Variants in FOCAD observed in about 807,000 individuals in gnomAD.
FOCAD encodes the protein focadhesin.
A neutral mutation model predicts 225.6 loss-of-function variants in FOCAD; 198 were observed. That is an observed-to-expected ratio of 0.88 (90% CI 0.78 to 0.99). FOCAD has a LOEUF of 0.99. Ranked by LOEUF, FOCAD falls within the 50% of genes least tolerant of loss-of-function variation. The probability of loss-of-function intolerance (pLI) is 0.00; values close to 1 mark genes in which losing one functional copy is unlikely to be tolerated. For missense variants in FOCAD, 2,713 were observed against 2,123.6 expected (o/e 1.28, Z -5.46); for synonymous variants, 897 against 755.0 (o/e 1.19, Z -3.08).
chr9:20,906,020 A>G (rs1832941526), intron 21 of FOCAD, among the ~76,000 whole-genome samples: 1 of 151,172 alleles, frequency 6.6e-6, no homozygotes. Context: ...ATTCCCATGG[A>G]TTCTTCCTAT....
intron 21 of FOCAD, among the ~76,000 whole-genome samples, chr9:20,901,899 TG>T (rs1156874770): frequency 1.3e-5 from 2 of 151,812 alleles, no homozygotes; most frequent in Non-Finnish European, 2.9e-5. Context: ...ATTTTAGACT[TG>T]CTTTTGTAAA....
At chr9:20,773,263 A>G (rs1242271656) in intron 8 of FOCAD, among the ~76,000 whole-genome samples, 1 of 152,206 alleles carries the variant, frequency 6.6e-6, no homozygotes, top group Non-Finnish European at 1.5e-5. Context: ...TGCTATGGCA[A>G]TTAGTTGAAA....
At chr9:20,861,364 A>C (rs553903659) in intron 15 of FOCAD, among the ~76,000 whole-genome samples, 61 of 152,282 alleles carry the variant, frequency 4.0e-4, no homozygotes, top group Non-Finnish European at 5.9e-4. Context: ...TTTTATTTCA[A>C]ATGCTGATGA....
At chr9:20,970,979 C>T (rs1462984819) in intron 35 of FOCAD, among the ~76,000 whole-genome samples, 3 of 152,144 alleles carry the variant, frequency 2.0e-5, no homozygotes, top group Non-Finnish European at 4.4e-5. Flanking sequence ...AACAGGGTAA[C>T]TTGGAGTATT....
intron 11 of FOCAD, among the ~76,000 whole-genome samples, chr9:20,800,299 C>G (rs1821651026): frequency 6.6e-6 from 1 of 152,094 alleles, no homozygotes; most frequent in African/African-American, 2.4e-5. Flanking sequence ...TTCATTTCAA[C>G]TTTGGTGAAT....
In FOCAD at chr9:20,885,120, T is replaced by C; in HGVS notation, c.2515T>C (p.Phe839Leu). The C allele has an allele frequency of 1.4e-6, 2 of 1,464,014 alleles. No individual in the cohort carries two copies. The highest frequency in any genetic ancestry group is 1.8e-6 in the Non-Finnish European group (2 of 1,104,462). 90.7% of individuals were successfully genotyped at this position (1,464,014 alleles called of 1,614,324 possible). ...AATTTTTTTTAAAGGTGGTATGTTA[T>C]TTTGCTATGATGTTTCCATGTATCA... is the stretch of plus-strand genomic sequence containing the variant. ...LKPGLAGGML[F>L]CYDVSMYQSK... is the part of the protein sequence containing the mutation. The change falls in exon 21 of 44, where the codon TTT becomes CTT. Residue 839 changes from phenylalanine (F) to leucine (L), a missense_variant. Phe to Leu is a conservative substitution (Grantham distance 22). Transcript: ENST00000338382.
At position 20,990,191 on chromosome 9, in the gene FOCAD, C is replaced by T; in HGVS notation, c.5073C>T (p.Leu1691=). 1 of 1,614,202 alleles carries T rather than the reference C, an allele frequency of 6.2e-7. No homozygotes were observed. The highest frequency in any genetic ancestry group is 8.5e-7 in the Non-Finnish European group (1 of 1,180,014). The part of the protein sequence containing the change: ...VVAWADHTAP[L]LLGLSASWLP... ...CATGGGCTGACCACACTGCCCCTCT[C>T]CTCCTCGGCCTCAGTGCCAGTTGGT... Residue 1691 remains leucine, a synonymous_variant, in exon 42 of 44, where the codon CTC becomes CTT. Transcript: ENST00000338382.
At chr9:20,811,214 A>G (rs1247070623) in intron 11 of FOCAD, among the ~76,000 whole-genome samples, 1 of 152,082 alleles carries the variant, frequency 6.6e-6, no homozygotes, top group African/African-American at 2.4e-5. Context: ...GGTCTATGAG[A>G]TGTCATCCCT....
chr9:20,986,435 C>T lies in FOCAD; in HGVS notation c.4876C>T (p.Gln1626Ter), dbSNP rs1841178744. 1 of 1,612,084 alleles carries T rather than the reference C, an allele frequency of 6.2e-7. No individual in the cohort carries two copies. The highest frequency in any genetic ancestry group is 8.5e-7 in the Non-Finnish European group (1 of 1,179,316). ...LAWMILHSLY[Q>*]ARIVSHANTG... ...CTGGATGATTCTGCACAGCTTATAC[C>T]AGGCACGGATTGTGAGCCATGCCAA... The change falls in exon 40 of 44, where the codon CAG (glutamine) becomes TAG (stop). Residue 1626 changes from glutamine to a stop codon, truncating the protein, a stop_gained. Transcript: ENST00000338382. LOFTEE classifies it high-confidence loss of function.
chr9:20,939,768 T>G (rs979646384), intron 28 of FOCAD, among the ~76,000 whole-genome samples: 3 of 151,870 alleles, frequency 2.0e-5, no homozygotes, highest in Non-Finnish European at 4.4e-5. Context: ...TTTTTTAAAT[T>G]ATACTTTAAG....
intron 28 of FOCAD, among the ~76,000 whole-genome samples, chr9:20,941,071 C>A (rs1836607962): frequency 6.6e-6 from 1 of 152,110 alleles, no homozygotes; most frequent in African/African-American, 2.4e-5. Flanking sequence ...GAGTCTAGGG[C>A]AAGCCTCCCT....
At chr9:20,987,625 T>C (rs1841308915) in intron 40 of FOCAD, among the ~76,000 whole-genome samples, 1 of 152,224 alleles carries the variant, frequency 6.6e-6, no homozygotes, top group African/African-American at 2.4e-5. Flanking sequence ...AACTGGACTT[T>C]TTAACTCTAA....
intron 24 of FOCAD, among the ~76,000 whole-genome samples, chr9:20,920,605 C>T (rs1330825967): frequency 6.9e-6 from 1 of 143,950 alleles, no homozygotes; most frequent in Non-Finnish European, 1.5e-5. Flanking sequence ...AAATGTGGCA[C>T]ATATACACCA....
At chr9:20,752,801 T>G (rs1199828012) in intron 5 of FOCAD, among the ~76,000 whole-genome samples, 1 of 152,114 alleles carries the variant, frequency 6.6e-6, no homozygotes, top group Non-Finnish European at 1.5e-5. Flanking sequence ...GCATGGAAAG[T>G]TCTTCCATTT....
intron 18 of FOCAD, among the ~76,000 whole-genome samples, chr9:20,867,334 A>G (rs1829375353): frequency 1.3e-5 from 2 of 151,982 alleles, no homozygotes; most frequent in Admixed American, 6.6e-5. Context: ...CATGGCCTTC[A>G]TAGACTAAGA....
In FOCAD at chr9:20,725,166, C is replaced by T. The variant is rs147806329; in HGVS notation, c.287+4632C>T. Among the ~76,000 whole-genome samples the T allele has an allele frequency of 6.9e-4, 105 of 152,256 alleles. 2 individuals carry two copies. The Middle Eastern group carries it at 0.01, about 15-fold the overall frequency. Reference sequence around the variant, plus strand: ...CAGCCTGGACAACAGAGTGAGACTCCGTCTCAATCAATCAATCACTCAATC... The same window carrying T: ...CAGCCTGGACAACAGAGTGAGACTCTGTCTCAATCAATCAATCACTCAATC... On this transcript the variant is annotated intron_variant, in intron 4 of 43. Transcript: ENST00000338382.
intron 7 of FOCAD, among the ~76,000 whole-genome samples, chr9:20,767,827 T>G (rs895745994): frequency 5.3e-5 from 8 of 150,924 alleles, no homozygotes; most frequent in African/African-American, 1.9e-4. Context: ...CTCTTTAGTT[T>G]AATTAGATCC....
At chr9:20,759,994 G>T (rs769345476) in intron 6 of FOCAD, among the ~76,000 whole-genome samples, 4 of 152,198 alleles carry the variant, frequency 2.6e-5, no homozygotes, top group Non-Finnish European at 5.9e-5. Flanking sequence ...GGCTCTCAAA[G>T]CTACTCCCCT....
chr9:20,766,405 A>G (rs905272717), intron 7 of FOCAD, among the ~76,000 whole-genome samples: 1 of 152,198 alleles, frequency 6.6e-6, no homozygotes, highest in African/African-American at 2.4e-5. Context: ...CTCAATACAG[A>G]TGTTTCTTAT....
Sources: allele counts gnomAD v4.1 joint callset (sites outside exome capture counted in the v4.1 genomes callset), GRCh38; gene constraint gnomAD v4.1.1; transcripts MANE v1.5; gene names NCBI Gene and HGNC (gene_info 2026-07-23, HGNC 2026-07-21).